Variants in ARMC5 observed in about 807,000 individuals in gnomAD.
The protein encoded by ARMC5 is armadillo repeat-containing protein 5.
ARMC5 carries 28 observed loss-of-function variants against 60.5 expected under a neutral mutation model. That is an observed-to-expected ratio of 0.46 (90% CI 0.34 to 0.63). The LOEUF is 0.63. ARMC5 is among the 30% of genes least tolerant of loss of function. ARMC5 has a pLI of 0.01. For missense variants in ARMC5, 1,189 were observed against 1,304.9 expected, an observed-to-expected ratio of 0.91 and a Z score of 1.37; for synonymous variants, 680 against 607.3, an observed-to-expected ratio of 1.12 and a Z score of -1.76.
In ARMC5 at chr16:31,466,239, G is replaced by A. The variant is rs1439399437; in HGVS notation, c.2158G>A (p.Val720Ile). 1.2e-6 allele frequency: 2 copies of A among 1,613,804 alleles called. No individual in the cohort carries two copies. The highest frequency in any genetic ancestry group is 3.3e-5 in the Admixed American group (2 of 60,024). The stretch of plus-strand genomic sequence containing the variant: ...GGTGTCTCCCACTGTGAGCCCAGCT[G>A]TCCCACAGGCAGTCCCCATGGACCT... The part of the protein sequence containing the change: ...DLVSPTVSPA[V>I]PQAVPMDLDS... The change falls in exon 6 of 6, where the codon GTC becomes ATC. Residue 720 changes from valine (V) to isoleucine (I), a missense_variant. Transcript: ENST00000268314. This position sits in a 1 kb window ranked among gnomAD's most constrained non-coding sequence, Gnocchi z 8.0.
upstream of ARMC5, chr16:31,459,411 G>A: frequency 6.5e-7 from 1 of 1,538,446 alleles, no homozygotes; most frequent in Non-Finnish European, 8.7e-7. Flanking sequence ...TTGCATCACT[G>A]CGGTGGCGCT....
chr16:31,459,557 G>A lies in ARMC5; in HGVS notation c.33G>A (p.Ser11=), dbSNP rs748617698. 18 of 1,606,044 alleles carry A rather than the reference G, an allele frequency of 1.1e-5. No individual in the cohort carries two copies. In the South Asian group the frequency reaches 1.5e-4, roughly 14 times the overall value. ...CTGCGAAGCCAACCCTCACGGACTC[G>A]CTCTCGTTCTGCCTCGCGCAGCTCG... MAAAKPTLTD[S]LSFCLAQLAA... The change falls in exon 1 of 6, where the codon TCG becomes TCA. Residue 11 remains serine (S), a synonymous_variant. Transcript: ENST00000268314.
At chr16:31,458,988 C>T (rs913798232), upstream of ARMC5, 6 of 1,535,230 alleles carry the variant, frequency 3.9e-6, no homozygotes, top group African/African-American at 2.7e-5. Context: ...TAGGTTTAAC[C>T]CTCTTCTTCC....
At position 31,464,966 on chromosome 16, in the gene ARMC5, C is replaced by T; in HGVS notation, c.1864+79C>T. The T allele has an allele frequency of 2.5e-6, 4 of 1,611,450 alleles. No homozygotes were observed. The highest frequency in any genetic ancestry group is 3.4e-6 in the Non-Finnish European group (4 of 1,178,396). Reference sequence around the variant, plus strand: ...CCCATGGCTTCCATGGGCCCAGAACCTCACCTTCCCACTCACCTGTCCTCC... The same window carrying T: ...CCCATGGCTTCCATGGGCCCAGAACTTCACCTTCCCACTCACCTGTCCTCC... On this transcript the variant is annotated intron_variant, in intron 4 of 5. Coordinates refer to ENST00000268314, the MANE Select transcript of ARMC5 (RefSeq NM_001105247.2). The surrounding 1 kb of genome is among the most constrained non-coding windows in gnomAD (Gnocchi z 7.6).
At position 31,462,865 on chromosome 16, in the gene ARMC5, C is replaced by G. The variant is rs535294233; in HGVS notation, c.1318C>G (p.Pro440Ala). 14 of 1,613,324 alleles carry G rather than the reference C, an allele frequency of 8.7e-6. No individual in the cohort carries two copies. The African/African-American group carries it at 1.5e-4, about 17-fold the overall frequency. ...AAGAGAAGCTGCTTCCTGGGACTTT[C>G]CTGAGGAGAGGACCCCTGAGCGGGC... ...EGREAASWDF[P>A]EERTPERAQG... The change falls in exon 3 of 6, where the codon CCT (proline) becomes GCT (alanine). Residue 440 changes from proline (P) to alanine (A), a missense_variant. Pro to Ala is a conservative substitution (Grantham distance 27). This residue lies in a region of ARMC5 where 862 missense variants were observed against 1,071.2 expected (regional missense o/e 0.80). Transcript: ENST00000268314. This position sits in a 1 kb window ranked among gnomAD's most constrained non-coding sequence, Gnocchi z 7.2.
In ARMC5 at chr16:31,466,568, T is replaced by A. The variant is rs766126282; in HGVS notation, c.2487T>A (p.Gly829=). 1.2e-6 allele frequency: 2 copies of A among 1,609,048 alleles called. No homozygotes were observed. The highest frequency in any genetic ancestry group is 1.7e-6 in the Non-Finnish European group (2 of 1,179,300). The part of the protein sequence containing the change: ...PVPPPGQPLL[G]SEAEEALEAA... Reference sequence around the variant, plus strand: ...CCCCACCAGGCCAGCCCCTGCTGGGTTCAGAGGCCGAGGAGGCACTGGAGG... The same window carrying A: ...CCCCACCAGGCCAGCCCCTGCTGGGATCAGAGGCCGAGGAGGCACTGGAGG... The change falls in exon 6 of 6, where the codon GGT becomes GGA. Residue 829 remains glycine (G), a synonymous_variant. Coordinates refer to ENST00000268314, the MANE Select transcript of ARMC5 (RefSeq NM_001105247.2). The surrounding 1 kb of genome is among the most constrained non-coding windows in gnomAD (Gnocchi z 8.0).
intron 4 of ARMC5, 130 bp from the exon 5 acceptor site, chr16:31,465,720 G>A: frequency 2.6e-6 from 4 of 1,514,548 alleles, no homozygotes; most frequent in Non-Finnish European, 3.5e-6. Context: ...GCCCAGCACT[G>A]TCTCTTCAGT....
In ARMC5 at chr16:31,464,841, G is replaced by C; in HGVS notation, c.1818G>C (p.Pro606=). Residue 606 remains proline, a synonymous_variant, in exon 4 of 6, where the codon CCG becomes CCC. Transcript: ENST00000268314. This position sits in a 1 kb window ranked among gnomAD's most constrained non-coding sequence, Gnocchi z 7.6. ...TGGGGGTGGCGCCTGACGATTGGCC[G>C]GCACCACGTGCCCGGCCCACTCTCC... ...LVLGVAPDDW[P]APRARPTLHS... 1 of 1,597,532 alleles carries C rather than the reference G, an allele frequency of 6.3e-7. No homozygotes were observed. Among genetic ancestry groups the C allele is most frequent in the Non-Finnish European group, 8.5e-7 (1 of 1,178,140 alleles).
rs770232495 is a variant in ARMC5 at position 31,466,305 on chromosome 16, C to T, written c.2224C>T (p.Pro742Ser). The T allele has an allele frequency of 6.2e-7, 1 of 1,613,850 alleles. No individual in the cohort carries two copies. Among genetic ancestry groups the T allele is most frequent in the South Asian group, 1.1e-5 (1 of 91,080 alleles). Residue 742 changes from proline to serine, a missense_variant, in exon 6 of 6, where the codon CCA becomes TCA. Pro to Ser is a moderately conservative substitution (Grantham distance 74, BLOSUM62 -1). Coordinates refer to ENST00000268314, the MANE Select transcript of ARMC5 (RefSeq NM_001105247.2). This position sits in a 1 kb window ranked among gnomAD's most constrained non-coding sequence, Gnocchi z 8.0. ...SPCLYEPLLG[P>S]APVPAPDLHF... ...TTGCCTCTATGAACCTCTGCTGGGC[C>T]CAGCCCCTGTCCCAGCTCCCGACCT...
At chr16:31,459,024 T>A, upstream of ARMC5, 1 of 1,530,556 alleles carries the variant, frequency 6.5e-7, no homozygotes, top group South Asian at 1.2e-5. Flanking sequence ...GCTCCCCGTC[T>A]GCGGCGCGGT....
rs1489123566 is a variant in ARMC5, at chr16:31,464,112, G to A, written c.1371-282G>A. Among the ~76,000 whole-genome samples the A allele has an allele frequency of 1.3e-5, 2 of 151,510 alleles. No homozygotes were observed. The highest frequency in any genetic ancestry group is 2.4e-5 in the African/African-American group (1 of 41,132). On this transcript the variant is annotated intron_variant, in intron 3 of 5. Transcript: ENST00000268314. The surrounding 1 kb of genome is among the most constrained non-coding windows in gnomAD (Gnocchi z 7.6). ...CCGAGACCAGCCTGGGCAACATAGCGAGACCCATCTCTACAAAACATTTAA... is the reference window on the plus strand; with the variant it reads ...CCGAGACCAGCCTGGGCAACATAGCAAGACCCATCTCTACAAAACATTTAA...
At chr16:31,459,240 G>T, upstream of ARMC5, 1 of 1,532,940 alleles carries the variant, frequency 6.5e-7, no homozygotes, top group Non-Finnish European at 8.7e-7. Flanking sequence ...GAGGGCCCTG[G>T]AAGAGTTTCC....
In ARMC5 at chr16:31,466,520, T is replaced by C. The variant is rs746119395; in HGVS notation, c.2439T>C (p.Cys813=). 6.2e-7 allele frequency: 1 copy of C among 1,609,158 alleles called. No individual in the cohort carries two copies. Among genetic ancestry groups the C allele is most frequent in the Non-Finnish European group, 8.5e-7 (1 of 1,179,588 alleles). Residue 813 remains cysteine (C), a synonymous_variant, in exon 6 of 6, where the codon TGT becomes TGC. Transcript: ENST00000268314. This position sits in a 1 kb window ranked among gnomAD's most constrained non-coding sequence, Gnocchi z 8.0. ...ATCATTTGCATGGTTGTCGGGGGTG[T>C]GGGGCTGCCCTGGGGCCCGTGCCCC... ...VLHHLHGCRG[C]GAALGPVPPP... is the part of the protein sequence containing the mutation.
In ARMC5 at chr16:31,466,328, C is replaced by T. The variant is rs767459733; in HGVS notation, c.2247C>T (p.Asp749=). ...LLGPAPVPAP[D]LHFLLDSGLQ... ...GCCCAGCCCCTGTCCCAGCTCCCGA[C>T]CTGCACTTCCTGCTGGACTCAGGCC... Residue 749 remains aspartate (D), a synonymous_variant, in exon 6 of 6, where the codon GAC becomes GAT. Coordinates refer to ENST00000268314, the MANE Select transcript of ARMC5 (RefSeq NM_001105247.2). This position sits in a 1 kb window ranked among gnomAD's most constrained non-coding sequence, Gnocchi z 8.0. 3 of 1,613,788 alleles carry T rather than the reference C, an allele frequency of 1.9e-6. No individual in the cohort carries two copies. The highest frequency in any genetic ancestry group is 1.7e-5 in the Admixed American group (1 of 60,022).
chr16:31,464,989 T>TC lies in ARMC5; in HGVS notation c.1864+106dup. The TC allele has an allele frequency of 6.2e-7, 1 of 1,610,530 alleles. No homozygotes were observed. The highest frequency in any genetic ancestry group is 8.5e-7 in the Non-Finnish European group (1 of 1,177,674). On this transcript the variant is annotated intron_variant, in intron 4 of 5. Coordinates refer to ENST00000268314, the MANE Select transcript of ARMC5 (RefSeq NM_001105247.2). This position sits in a 1 kb window ranked among gnomAD's most constrained non-coding sequence, Gnocchi z 7.6. ...ACCTCACCTTCCCACTCACCTGTCC[T>TC]CCCCAGCCCGTCCTCCAGACAACCT...
chr16:31,459,430 T>A, upstream of ARMC5: 2 of 1,540,868 alleles, frequency 1.3e-6, no homozygotes, highest in Non-Finnish European at 1.7e-6. Context: ...CTAAACAGCG[T>A]CAGCGAGGCG....
At chr16:31,459,321 C>G (rs1164142534), upstream of ARMC5, 1 of 1,534,994 alleles carries the variant, frequency 6.5e-7, no homozygotes, top group African/African-American at 1.4e-5. Flanking sequence ...CCGCACGTCC[C>G]AGGATGCGCT....
chr16:31,464,763 C>T lies in ARMC5; in HGVS notation c.1740C>T (p.Leu580=), dbSNP rs201720272. 557 of 1,599,200 alleles carry T rather than the reference C, an allele frequency of 3.5e-4. No homozygotes were observed. The highest frequency in any genetic ancestry group is 9.0e-4 in the Admixed American group (54 of 59,934). The change falls in exon 4 of 6, where the codon CTC becomes CTT. Residue 580 remains leucine, a synonymous_variant. Coordinates refer to ENST00000268314, the MANE Select transcript of ARMC5 (RefSeq NM_001105247.2). The surrounding 1 kb of genome is among the most constrained non-coding windows in gnomAD (Gnocchi z 7.6). The part of the protein sequence containing the change: ...LSRLTCNPAC[L]EAFVRSYGAA... ...GCCTCACCTGCAACCCTGCCTGCCT[C>T]GAGGCCTTCGTGCGCAGCTATGGCG... is the stretch of plus-strand genomic sequence containing the variant.
rs1173525360 is a variant in ARMC5 at position 31,464,607 on chromosome 16, G to C, written c.1584G>C (p.Leu528=). 34 of 1,591,834 alleles carry C rather than the reference G, an allele frequency of 2.1e-5. No individual in the cohort carries two copies. The highest frequency in any genetic ancestry group is 2.7e-5 in the Non-Finnish European group (32 of 1,175,142). The part of the protein sequence containing the change: ...PWGREGPALL[L]LSRFSQAPDP... ...GACGCGAAGGGCCAGCCCTGCTGCTGCTGTCGCGCTTTTCCCAGGCCCCTG... is the reference window on the plus strand; with the variant it reads ...GACGCGAAGGGCCAGCCCTGCTGCTCCTGTCGCGCTTTTCCCAGGCCCCTG... Residue 528 remains leucine, a synonymous_variant, in exon 4 of 6, where the codon CTG becomes CTC. Transcript: ENST00000268314. This position sits in a 1 kb window ranked among gnomAD's most constrained non-coding sequence, Gnocchi z 7.6.
Sources: gnomAD v4.1 joint callset for allele counts (sites outside exome capture counted in the v4.1 genomes callset) on GRCh38, gnomAD v4.1.1 for gene constraint, gnomAD v4.1.1 regional missense constraint, Gnocchi (gnomAD v3.1) non-coding constraint, MANE v1.5 for transcripts, NCBI Gene and HGNC (gene_info 2026-07-23, HGNC 2026-07-21) for gene names.